Variants in CCDC50 observed in about 807,000 individuals in gnomAD.
The protein encoded by CCDC50 is coiled-coil domain containing 50.
CCDC50 carries 54 observed loss-of-function variants against 70.2 expected under a neutral mutation model. The ratio of observed to expected loss-of-function variants is 0.77; its 90% CI spans 0.62 to 0.96. The LOEUF (loss-of-function observed/expected upper bound fraction) is 0.96. Ranked by LOEUF, CCDC50 falls within the 50% of genes least tolerant of loss-of-function variation. The pLI, the probability that CCDC50 is intolerant of heterozygous loss-of-function variation, is 0.00. For missense variants in CCDC50, 558 were observed against 578.7 expected (o/e 0.96, Z 0.37); for synonymous variants, 216 against 198.8 (o/e 1.09, Z -0.73).
intron 1 of CCDC50, among the ~76,000 whole-genome samples, chr3:191,343,857 A>G (rs572094327): frequency 4.3e-4 from 66 of 152,340 alleles, no homozygotes; most frequent in African/African-American, 1.6e-3. Context: ...TCCTCTAACT[A>G]TGTTGAATAC....
intron 1 of CCDC50, among the ~76,000 whole-genome samples, chr3:191,351,982 A>G (rs557583366): frequency 1.4e-5 from 2 of 141,422 alleles, no homozygotes; most frequent in South Asian, 4.5e-4. Context: ...CTTGAGATAC[A>G]TTTCGTGTTA....
chr3:191,344,465 G>A (rs778473846), intron 1 of CCDC50, among the ~76,000 whole-genome samples: 2 of 152,132 alleles, frequency 1.3e-5, no homozygotes, highest in Admixed American at 6.6e-5. Flanking sequence ...TATGATTGGC[G>A]GCTACCATAT....
At chr3:191,380,546 G>A in intron 7 of CCDC50, 141 bp from the exon 8 acceptor site, 1 of 836,100 alleles carries the variant, frequency 1.2e-6, no homozygotes, top group Non-Finnish European at 2.0e-6. Flanking sequence ...TCTGGCTGGT[G>A]AAAGCATACC....
intron 10 of CCDC50, among the ~76,000 whole-genome samples, chr3:191,384,004 C>A (rs190428732): frequency 6.6e-6 from 1 of 152,044 alleles, no homozygotes; most frequent in East Asian, 1.9e-4. Context: ...GTCTTCAGAT[C>A]CTTGGCCTCT....
chr3:191,365,087 G>C (rs986892942), intron 4 of CCDC50, among the ~76,000 whole-genome samples: 1 of 126,862 alleles, frequency 7.9e-6, no homozygotes, highest in Non-Finnish European at 1.7e-5. Context: ...TGCATGACTA[G>C]ATGTGTGTGT....
chr3:191,338,882 T>C (rs532910907), intron 1 of CCDC50, among the ~76,000 whole-genome samples: 12 of 152,356 alleles, frequency 7.9e-5, no homozygotes, highest in African/African-American at 2.9e-4. Context: ...ATGCTGGTAA[T>C]TTTTGTACAC....
chr3:191,368,959 C>G (rs1296781136), intron 4 of CCDC50, among the ~76,000 whole-genome samples: 1 of 152,100 alleles, frequency 6.6e-6, no homozygotes, highest in East Asian at 1.9e-4. Context: ...TCCTCCATCC[C>G]CTTATTTTAA....
At chr3:191,369,871 G>T in intron 4 of CCDC50, 48 bp from the exon 5 acceptor site, 3 of 1,369,626 alleles carry the variant, frequency 2.2e-6, no homozygotes, top group Non-Finnish European at 3.1e-6. Flanking sequence ...TATGGAGTTT[G>T]TTTGTTCTTT....
chr3:191,347,215 TTTC>T (rs1005891688), intron 1 of CCDC50, among the ~76,000 whole-genome samples: 2 of 142,348 alleles, frequency 1.4e-5, no homozygotes, highest in African/African-American at 5.0e-5. Context: ...GTTTTTCTCC[TTTC>T]TTCTTATTTT....
intron 3 of CCDC50, 84 bp downstream of exon 3, chr3:191,358,208 ACTT>A (rs1424917354): frequency 4.1e-6 from 6 of 1,469,004 alleles, no homozygotes; most frequent in African/African-American, 1.4e-5. Context: ...GAAGGAGACT[ACTT>A]CTGTTCCTCT....
At chr3:191,344,134 G>A (rs1174603325) in intron 1 of CCDC50, among the ~76,000 whole-genome samples, 1 of 152,210 alleles carries the variant, frequency 6.6e-6, no homozygotes, top group African/African-American at 2.4e-5. Flanking sequence ...ATTATGCAGT[G>A]TGCTTGCAAG....
At chr3:191,367,352 A>G (rs943335485) in intron 4 of CCDC50, among the ~76,000 whole-genome samples, 1 of 152,100 alleles carries the variant, frequency 6.6e-6, no homozygotes, top group Non-Finnish European at 1.5e-5. Context: ...AATTCTATGA[A>G]TAGGACTCTG....
At chr3:191,361,810 C>T (rs1712497936) in intron 4 of CCDC50, among the ~76,000 whole-genome samples, 1 of 152,022 alleles carries the variant, frequency 6.6e-6, no homozygotes, top group African/African-American at 2.4e-5. Flanking sequence ...CAGCTTACTA[C>T]AAGGTGTCTG....
chr3:191,377,582 G>GCTGTGAAT (rs1205976083), intron 6 of CCDC50, among the ~76,000 whole-genome samples: 1 of 152,078 alleles, frequency 6.6e-6, no homozygotes, highest in East Asian at 1.9e-4. Flanking sequence ...GCACTGTTCT[G>GCTGTGAAT]CTGTGAATTG....
chr3:191,391,605 A>G, intron 11 of CCDC50, 136 bp from the exon 12 acceptor site: 2 of 790,224 alleles, frequency 2.5e-6, no homozygotes, highest in East Asian at 5.4e-5. Context: ...GATTCTGTAT[A>G]TATGTCACAA....
At chr3:191,371,715 T>A (rs1560166850) in intron 5 of CCDC50, among the ~76,000 whole-genome samples, 1 of 152,194 alleles carries the variant, frequency 6.6e-6, no homozygotes, top group African/African-American at 2.4e-5. Flanking sequence ...GATTCACAAT[T>A]TATTGCTTGA....
chr3:191,364,093 A>G (rs1254232971), intron 4 of CCDC50, among the ~76,000 whole-genome samples: 1 of 150,358 alleles, frequency 6.7e-6, no homozygotes, highest in Non-Finnish European at 1.5e-5. Flanking sequence ...TTTTTTAGAC[A>G]GAGTCTTGCT....
At chr3:191,358,850 A>G (rs1712385374) in intron 3 of CCDC50, among the ~76,000 whole-genome samples, 1 of 152,198 alleles carries the variant, frequency 6.6e-6, no homozygotes, top group Non-Finnish European at 1.5e-5. Flanking sequence ...GTAAAGGAAA[A>G]ATGGAAGGAA....
Position 191,349,939 on chromosome 3 carries a change from A to G in CCDC50, c.50-7149A>G, listed in dbSNP as rs144442060. On this transcript the variant is annotated intron_variant, in intron 1 of 11. Coordinates refer to ENST00000392455, the MANE Select transcript of CCDC50 (RefSeq NM_178335.3). Reference sequence around the variant, plus strand: ...ATTTTAAAGAACTTAATGCCCATTTATCTTATTTTAACTAGTATTTAATAA... The same window carrying G: ...ATTTTAAAGAACTTAATGCCCATTTGTCTTATTTTAACTAGTATTTAATAA... 3.9e-3 allele frequency among the ~76,000 whole-genome samples: 514 copies of G among 132,440 alleles called. 53 individuals carry two copies. The highest frequency in any genetic ancestry group is 0.014 in the African/African-American group (494 of 36,526). 86.9% of individuals were successfully genotyped at this position (132,440 alleles called of 152,430 possible).
Sources: gnomAD v4.1 joint callset for allele counts (sites outside exome capture counted in the v4.1 genomes callset) on GRCh38, gnomAD v4.1.1 for gene constraint, MANE v1.5 for transcripts, NCBI Gene and HGNC (gene_info 2026-07-23, HGNC 2026-07-21) for gene names.